XPR1: variants seen among roughly 807,000 people sequenced by gnomAD.
XPR1 encodes the protein solute carrier family 53 member 1.
A neutral mutation model predicts 87.5 loss-of-function variants in XPR1; 28 were observed. That is an observed-to-expected ratio of 0.32 (90% CI 0.24 to 0.44). The LOEUF (loss-of-function observed/expected upper bound fraction) is 0.44, where lower values mean the gene tolerates loss of function less well. XPR1 is among the 20% of genes least tolerant of loss of function. XPR1 has a pLI of 1.00. For synonymous variants in XPR1, 300 were observed against 306.1 expected, an observed-to-expected ratio of 0.98 and a Z score of 0.21; for missense variants, 559 against 862.3, an observed-to-expected ratio of 0.65 and a Z score of 4.41.
intron 2 of XPR1, among the ~76,000 whole-genome samples, chr1:180,773,953 CT>C (rs1241624893): frequency 6.6e-6 from 1 of 152,050 alleles, no homozygotes; most frequent in Non-Finnish European, 1.5e-5. Context: ...AATCACTAAA[CT>C]TTTTTTAAAA....
intron 2 of XPR1, among the ~76,000 whole-genome samples, chr1:180,766,696 GA>G (rs1396780014): frequency 2.0e-5 from 3 of 152,064 alleles, no homozygotes; most frequent in Non-Finnish European, 4.4e-5. Context: ...TTGTTCTGGA[GA>G]GGAGAAATGA....
intron 1 of XPR1, among the ~76,000 whole-genome samples, chr1:180,678,960 C>T (rs1197334684): frequency 6.6e-6 from 1 of 151,742 alleles, no homozygotes; most frequent in Non-Finnish European, 1.5e-5. Flanking sequence ...CTTTAGGAGG[C>T]CGAGGCGGGT....
At chr1:180,875,407 G>A (rs182267207) in intron 13 of XPR1, among the ~76,000 whole-genome samples, 3 of 151,864 alleles carry the variant, frequency 2.0e-5, no homozygotes, top group Admixed American at 2.0e-4. Context: ...TACTCAGGAG[G>A]CTGAGGTGTA....
chr1:180,713,019 C>T (rs1300081124), intron 2 of XPR1, among the ~76,000 whole-genome samples: 14 of 146,628 alleles, frequency 9.5e-5, no homozygotes, highest in Admixed American at 3.4e-4. Flanking sequence ...ATACTCTATC[C>T]GTTTCTATAA....
chr1:180,635,303 G>C (rs1654725808), intron 1 of XPR1, among the ~76,000 whole-genome samples: 1 of 152,108 alleles, frequency 6.6e-6, no homozygotes, highest in Admixed American at 6.5e-5. Flanking sequence ...ATGTAAAATA[G>C]AACACCGGTA....
chr1:180,683,361 ATTG>A (rs559378936), intron 2 of XPR1, among the ~76,000 whole-genome samples: 6,519 of 152,030 alleles, frequency 0.043, 495 homozygotes, highest in African/African-American at 0.15. Flanking sequence ...AATCCAGTCT[ATTG>A]TTGTTGGACA....
At chr1:180,812,271 A>G (rs1026155322) in intron 7 of XPR1, among the ~76,000 whole-genome samples, 3 of 152,106 alleles carry the variant, frequency 2.0e-5, no homozygotes, top group Admixed American at 6.6e-5. Flanking sequence ...CAATCCTTCA[A>G]TCTCCTCTGT....
rs76228875 is a variant in XPR1, at chr1:180,817,801, A to G, written c.763+6313A>G. Among the ~76,000 whole-genome samples, 5 of 152,334 alleles carry G rather than the reference A, an allele frequency of 3.3e-5. No homozygotes were observed. The East Asian group carries it at 9.6e-4, about 29-fold the overall frequency. Reference sequence around the variant, plus strand: ...CCTTGGGGAATGGATAGCAATTGGAAAGAATATGAGCCGGAACTTCTAGGA... The same window carrying G: ...CCTTGGGGAATGGATAGCAATTGGAGAGAATATGAGCCGGAACTTCTAGGA... On this transcript the variant is annotated intron_variant, in intron 7 of 14. Transcript: ENST00000367590.
chr1:180,864,882 A>T (rs73045791), intron 12 of XPR1, among the ~76,000 whole-genome samples: 2,553 of 152,346 alleles, frequency 0.017, 79 homozygotes, highest in African/African-American at 0.056. Context: ...CAACCAGACT[A>T]TAGTGGATTC....
intron 2 of XPR1, among the ~76,000 whole-genome samples, chr1:180,686,123 T>C (rs1422967716): frequency 1.3e-5 from 2 of 151,832 alleles, no homozygotes; most frequent in African/African-American, 4.8e-5. Flanking sequence ...TGTGGGCATT[T>C]AGTGCTATAA....
chr1:180,881,418 C>T (rs1032576931), intron 14 of XPR1, among the ~76,000 whole-genome samples: 2 of 152,174 alleles, frequency 1.3e-5, no homozygotes, highest in African/African-American at 2.4e-5. Flanking sequence ...CCGCATTGGC[C>T]TCCCAAAGTG....
chr1:180,738,374 C>G (rs1387751379), intron 2 of XPR1, among the ~76,000 whole-genome samples: 1 of 152,176 alleles, frequency 6.6e-6, no homozygotes, highest in Non-Finnish European at 1.5e-5. Context: ...GCATTCCCAC[C>G]AGCAACATAA....
intron 13 of XPR1, 110 bp downstream of exon 13, chr1:180,874,052 C>A: frequency 7.9e-7 from 1 of 1,263,210 alleles, no homozygotes; most frequent in Non-Finnish European, 1.1e-6. Context: ...TTTAATTTTC[C>A]AACTTTTCTC....
intron 9 of XPR1, among the ~76,000 whole-genome samples, chr1:180,832,862 T>C (rs1015554197): frequency 6.6e-6 from 1 of 152,216 alleles, no homozygotes; most frequent in African/African-American, 2.4e-5. Context: ...TTTGGTTCCA[T>C]ACGAAGTTTG....
At chr1:180,664,536 C>T (rs1487965572) in intron 1 of XPR1, among the ~76,000 whole-genome samples, 1 of 152,154 alleles carries the variant, frequency 6.6e-6, no homozygotes, top group Non-Finnish European at 1.5e-5. Context: ...GTCCTCTTTA[C>T]TCTTCCCTAC....
chr1:180,843,645 A>G (rs1651587981), intron 11 of XPR1, among the ~76,000 whole-genome samples: 1 of 151,910 alleles, frequency 6.6e-6, no homozygotes, highest in Non-Finnish European at 1.5e-5. Context: ...TATTAATTAT[A>G]GCTTTGAATA....
intron 11 of XPR1, among the ~76,000 whole-genome samples, chr1:180,853,897 A>G (rs971224318): frequency 2.7e-5 from 4 of 149,724 alleles, no homozygotes; most frequent in Admixed American, 6.8e-5. Context: ...AATGTCTCAT[A>G]AGTGTAATAC....
intron 11 of XPR1, among the ~76,000 whole-genome samples, chr1:180,847,886 T>C (rs1281531409): frequency 6.6e-6 from 1 of 152,198 alleles, no homozygotes; most frequent in Non-Finnish European, 1.5e-5. Context: ...TGAAACTTTG[T>C]AAAACCTTTC....
rs189217368 is a variant in XPR1, at chr1:180,687,904, G to A, written c.121+5493G>A. Among the ~76,000 whole-genome samples the A allele has an allele frequency of 4.0e-5, 6 of 150,684 alleles. No homozygotes were observed. The East Asian group carries it at 7.8e-4, about 20-fold the overall frequency. ...TTATCTACTCTTCTATGTAATCACT[G>A]GTATTTCTGATATAATTCTGATATA... On this transcript the variant is annotated intron_variant, in intron 2 of 14. Coordinates refer to ENST00000367590, the MANE Select transcript of XPR1 (RefSeq NM_004736.4).
Sources: allele counts gnomAD v4.1 joint callset (sites outside exome capture counted in the v4.1 genomes callset), GRCh38; gene constraint gnomAD v4.1.1; transcripts MANE v1.5; gene names NCBI Gene and HGNC (gene_info 2026-07-23, HGNC 2026-07-21).